The following ARID1B variants were observed in gnomAD, a reference collection of about 807,000 sequenced individuals.
ARID1B encodes the protein AT-rich interaction domain 1B.
Under a neutral mutation model 212.3 loss-of-function variants are expected in ARID1B, and 30 were observed. The observed-to-expected ratio is 0.14, with a 90% CI of 0.11 to 0.19. The LOEUF is 0.19. Ranked by LOEUF, ARID1B falls within the 10% of genes least tolerant of loss-of-function variation. The probability of loss-of-function intolerance (pLI) is 1.00; values close to 1 mark genes in which losing one functional copy is unlikely to be tolerated. For missense variants in ARID1B, 2,891 were observed against 3,204.0 expected (o/e 0.90, Z 2.36); for synonymous variants, 1,402 against 1,301.7 (o/e 1.08, Z -1.66).
intron 4 of ARID1B, among the ~76,000 whole-genome samples, chr6:157,046,111 T>C (rs1782223623): frequency 6.6e-6 from 1 of 152,242 alleles, no homozygotes; most frequent in South Asian, 2.1e-4. Flanking sequence ...TTAGAAATGA[T>C]TTGGGGGAAA....
chr6:157,108,938 CAG>C, intron 5 of ARID1B, among the ~76,000 whole-genome samples: 1 of 152,298 alleles, frequency 6.6e-6, no homozygotes, highest in East Asian at 1.9e-4. Context: ...CAGGAACACT[CAG>C]AAATACATAA....
At chr6:156,859,531 A>T (rs564921175) in intron 2 of ARID1B, among the ~76,000 whole-genome samples, 4 of 148,718 alleles carry the variant, frequency 2.7e-5, no homozygotes, top group East Asian at 1.9e-4. Flanking sequence ...TTAGTTCTTT[A>T]AAAAAAAAAA....
chr6:156,835,020 G>A (rs1295106612), intron 2 of ARID1B, among the ~76,000 whole-genome samples: 1 of 151,992 alleles, frequency 6.6e-6, no homozygotes, highest in African/African-American at 2.4e-5. Flanking sequence ...GGACCACGAG[G>A]TCAGGAGATA....
intron 4 of ARID1B, among the ~76,000 whole-genome samples, chr6:156,954,515 A>G (rs1218395444): frequency 6.6e-6 from 1 of 152,230 alleles, no homozygotes; most frequent in African/African-American, 2.4e-5. Flanking sequence ...GGTATATACA[A>G]GTCCCTGTCT....
In ARID1B at chr6:156,801,790, G is replaced by T. The variant is rs1780809494; in HGVS notation, c.1791+22319G>T. Among the ~76,000 whole-genome samples the T allele has an allele frequency of 2.6e-5, 4 of 152,152 alleles. No individual in the cohort carries two copies. In the South Asian group the frequency reaches 8.3e-4, roughly 32 times the overall value. ...TCCACTGAAAATAAATGTAAGTTTAGTTAGTGTTTTTTTTCTTCCACGATG... is the reference window on the plus strand; with the variant it reads ...TCCACTGAAAATAAATGTAAGTTTATTTAGTGTTTTTTTTCTTCCACGATG... On this transcript the variant is annotated intron_variant, in intron 1 of 19. Transcript: ENST00000636930.
intron 4 of ARID1B, among the ~76,000 whole-genome samples, chr6:156,972,440 T>C (rs1372276920): frequency 1.3e-5 from 2 of 152,202 alleles, no homozygotes; most frequent in African/African-American, 4.8e-5. Flanking sequence ...CTTTTCTGAG[T>C]GTAAAATTGC....
In ARID1B at chr6:157,206,827, C is replaced by T; in HGVS notation, c.6055C>T (p.Pro2019Ser). ...ATTGCCTGAAGACGCAAACCCTGGG[C>T]CCCAGACCGAAAGCAGTAAGTTTCC... ...GALPEDANPG[P>S]QTESSKFPFG... The change falls in exon 20 of 20, where the codon CCC becomes TCC. Residue 2019 changes from proline to serine, a missense_variant. Pro to Ser is a moderately conservative substitution (Grantham distance 74). Around this residue, in one of 7 missense-constraint regions of ARID1B, gnomAD observed 332 missense variants for 369.2 expected, o/e 0.90. Coordinates refer to ENST00000636930, the MANE Select transcript of ARID1B (RefSeq NM_001374828.1). The surrounding 1 kb of genome is among the most constrained non-coding windows in gnomAD (Gnocchi z 6.8). The T allele has an allele frequency of 6.2e-7, 1 of 1,614,026 alleles. No homozygotes were observed. The highest frequency in any genetic ancestry group is 8.5e-7 in the Non-Finnish European group (1 of 1,180,028).
chr6:157,197,003 A>G (rs1290609124), intron 16 of ARID1B, among the ~76,000 whole-genome samples: 1 of 152,194 alleles, frequency 6.6e-6, no homozygotes, highest in Non-Finnish European at 1.5e-5. Context: ...AGGAAAAGTT[A>G]TTGAAATGGC....
intron 4 of ARID1B, among the ~76,000 whole-genome samples, chr6:157,011,988 G>T (rs1779639679): frequency 6.6e-6 from 1 of 152,194 alleles, no homozygotes; most frequent in South Asian, 2.1e-4. Flanking sequence ...TAAAGAAATA[G>T]ACTGGCAGTA....
intron 5 of ARID1B, among the ~76,000 whole-genome samples, chr6:157,095,538 C>A (rs1353078762): frequency 6.6e-6 from 1 of 152,204 alleles, no homozygotes; most frequent in African/African-American, 2.4e-5. Flanking sequence ...CCCCAGTGCT[C>A]CATGGGCGTG....
At chr6:156,953,575 G>A (rs1793745192) in intron 4 of ARID1B, among the ~76,000 whole-genome samples, 1 of 152,164 alleles carries the variant, frequency 6.6e-6, no homozygotes, top group Non-Finnish European at 1.5e-5. Context: ...CTGTCTCCTA[G>A]TATGTTTGAC....
intron 8 of ARID1B, among the ~76,000 whole-genome samples, chr6:157,161,558 G>GT: frequency 6.6e-6 from 1 of 152,088 alleles, no homozygotes; most frequent in East Asian, 1.9e-4. Context: ...GAGTCACCAT[G>GT]TAATTCGGGT....
chr6:156,812,666 C>G (rs1374564056), intron 1 of ARID1B, among the ~76,000 whole-genome samples: 1 of 151,866 alleles, frequency 6.6e-6, no homozygotes, highest in Non-Finnish European at 1.5e-5. Flanking sequence ...TTTCCTCTTT[C>G]ATCTAAATCT....
At chr6:156,960,518 A>G (rs1425413282) in intron 4 of ARID1B, among the ~76,000 whole-genome samples, 1 of 151,916 alleles carries the variant, frequency 6.6e-6, no homozygotes, top group Non-Finnish European at 1.5e-5. Context: ...TAAAAGTACT[A>G]TTTTTCTTTA....
chr6:156,800,778 G>A (rs760656020), intron 1 of ARID1B, among the ~76,000 whole-genome samples: 51 of 152,000 alleles, frequency 3.4e-4, no homozygotes, highest in Non-Finnish European at 6.3e-4. Flanking sequence ...ATGGTGGTGT[G>A]TGCCTGTAGT....
intron 5 of ARID1B, 69 bp from the exon 6 acceptor site, chr6:157,110,403 G>C (rs1276381331): frequency 7.4e-7 from 1 of 1,359,624 alleles, no homozygotes; most frequent in African/African-American, 1.4e-5. Context: ...GCTGTGTCTT[G>C]GTTTTGCATG....
chr6:157,058,673 G>A (rs552095269), intron 4 of ARID1B, among the ~76,000 whole-genome samples: 5 of 152,278 alleles, frequency 3.3e-5, no homozygotes, highest in East Asian at 1.9e-4. Flanking sequence ...TGTGATCCGC[G>A]GGAGGCAGCT....
rs377125317 is a variant in ARID1B, at chr6:156,822,679, A to G, written c.1792-6548A>G. Among the ~76,000 whole-genome samples the G allele has an allele frequency of 3.5e-4, 53 of 152,308 alleles. No homozygotes were observed. The South Asian group carries it at 1.0e-2, about 29-fold the overall frequency. The stretch of plus-strand genomic sequence containing the variant: ...AAGAACCTGACCAGAGTATGCATTC[A>G]GTATTATCATTGTCTTTACTTGTGT... On this transcript the variant is annotated intron_variant, in intron 1 of 19. Transcript: ENST00000636930.
At chr6:157,129,462 A>G (rs1363199668) in intron 6 of ARID1B, among the ~76,000 whole-genome samples, 1 of 152,246 alleles carries the variant, frequency 6.6e-6, no homozygotes, top group African/African-American at 2.4e-5. Context: ...GGTGAGTCTC[A>G]CCAAAAATAG....
Sources: allele counts gnomAD v4.1 joint callset (sites outside exome capture counted in the v4.1 genomes callset), GRCh38; gene constraint gnomAD v4.1.1; regional missense constraint gnomAD v4.1.1; non-coding constraint Gnocchi (gnomAD v3.1); transcripts MANE v1.5; gene names NCBI Gene and HGNC (gene_info 2026-07-23, HGNC 2026-07-21).